Variants in PDE3B observed in about 807,000 individuals in gnomAD.
PDE3B encodes the protein phosphodiesterase 3B.
A neutral mutation model predicts 116.8 loss-of-function variants in PDE3B; 66 were observed. The ratio of observed to expected loss-of-function variants is 0.56; its 90% confidence interval spans 0.46 to 0.69. The LOEUF (loss-of-function observed/expected upper bound fraction) is 0.69, where lower values mean the gene tolerates loss of function less well. Among genes scored for constraint, PDE3B ranks in the 30% least tolerant of loss-of-function variants. The pLI, the probability that PDE3B is intolerant of heterozygous loss-of-function variation, is 0.00. For synonymous variants in PDE3B, 595 were observed against 533.6 expected (o/e 1.12, Z -1.59); for missense variants, 1,384 against 1,368.1 (o/e 1.01, Z -0.18).
chr11:14,748,546 T>G (rs1272761028), intron 1 of PDE3B, among the ~76,000 whole-genome samples: 1 of 152,204 alleles, frequency 6.6e-6, no homozygotes, highest in Non-Finnish European at 1.5e-5. Flanking sequence ...AACATAGACA[T>G]GAGCTAAAGA....
chr11:14,739,452 T>A (rs1046694935), intron 1 of PDE3B, among the ~76,000 whole-genome samples: 3 of 152,214 alleles, frequency 2.0e-5, no homozygotes, highest in African/African-American at 7.2e-5. Flanking sequence ...CACACTGACT[T>A]TGTATCCTGA....
intron 1 of PDE3B, among the ~76,000 whole-genome samples, chr11:14,704,446 G>A (rs896728372): frequency 1.3e-5 from 2 of 151,596 alleles, no homozygotes; most frequent in African/African-American, 2.4e-5. Context: ...AAAGTTGGCA[G>A]CCTAAATTCA....
chr11:14,644,729 C>T lies in PDE3B; in HGVS notation c.654C>T (p.His218=). Residue 218 remains histidine (H), a synonymous_variant, in exon 1 of 16, where the codon CAC becomes CAT. Transcript: ENST00000282096. ...LTLAHPLRLR[H]CVLVLLLASF... ...TCGCGCACCCGCTGCGGCTCCGGCACTGCGTTCTGGTGCTGCTCCTGGCCA... is the reference window on the plus strand; with the variant it reads ...TCGCGCACCCGCTGCGGCTCCGGCATTGCGTTCTGGTGCTGCTCCTGGCCA... The T allele has an allele frequency of 6.4e-7, 1 of 1,563,028 alleles. No individual in the cohort carries two copies. The highest frequency in any genetic ancestry group is 8.6e-7 in the Non-Finnish European group (1 of 1,156,256).
At chr11:14,863,972 A>G (rs1847996300) in intron 14 of PDE3B, among the ~76,000 whole-genome samples, 1 of 152,256 alleles carries the variant, frequency 6.6e-6, no homozygotes, top group Non-Finnish European at 1.5e-5. Flanking sequence ...CCTTAAATGT[A>G]AATGGGCTAA....
chr11:14,882,117 C>A, the PDE3B span, among the ~76,000 whole-genome samples: 1 of 152,062 alleles, frequency 6.6e-6, no homozygotes, highest in African/African-American at 2.4e-5. Context: ...GATGACTATT[C>A]ATTCAACAAA....
At chr11:14,841,236 G>T (rs1278965127) in intron 11 of PDE3B, among the ~76,000 whole-genome samples, 1 of 151,452 alleles carries the variant, frequency 6.6e-6, no homozygotes, top group Non-Finnish European at 1.5e-5. Flanking sequence ...GCTCTTCCTT[G>T]GGTCTTTAGC....
At chr11:14,840,104 T>G (rs957919058) in intron 11 of PDE3B, among the ~76,000 whole-genome samples, 3 of 152,188 alleles carry the variant, frequency 2.0e-5, no homozygotes, top group African/African-American at 7.2e-5. Context: ...TGTGAAGCAA[T>G]TTCTACTCGT....
chr11:14,865,983 G>C (rs1848036501), intron 14 of PDE3B, among the ~76,000 whole-genome samples: 1 of 152,078 alleles, frequency 6.6e-6, no homozygotes, highest in South Asian at 2.1e-4. Flanking sequence ...CATGCCTGAG[G>C]TTGAATCCTG....
chr11:14,808,459 G>A (rs1248555431), intron 5 of PDE3B, among the ~76,000 whole-genome samples: 1 of 152,160 alleles, frequency 6.6e-6, no homozygotes, highest in Admixed American at 6.5e-5. Flanking sequence ...TCCCTGAAGT[G>A]GATTGGATTT....
At chr11:14,808,090 C>G (rs903346541) in intron 5 of PDE3B, among the ~76,000 whole-genome samples, 7 of 151,018 alleles carry the variant, frequency 4.6e-5, no homozygotes, top group Non-Finnish European at 8.8e-5. Context: ...AATCTTCTGA[C>G]TGCTCATTGG....
At chr11:14,890,494 G>A in the PDE3B span, 2 of 801,574 alleles carry the variant, frequency 2.5e-6, no homozygotes, top group Non-Finnish European at 3.0e-6. Context: ...TGAAAGGAAC[G>A]TAAACCATTA....
At chr11:14,885,636 C>T in the PDE3B span, 1 of 901,746 alleles carries the variant, frequency 1.1e-6, no homozygotes, top group Non-Finnish European at 1.7e-6. Flanking sequence ...CTGAAAGGTC[C>T]TCAAATACTA....
At chr11:14,727,248 G>C (rs775735144) in intron 1 of PDE3B, among the ~76,000 whole-genome samples, 1 of 152,076 alleles carries the variant, frequency 6.6e-6, no homozygotes, top group African/African-American at 2.4e-5. Flanking sequence ...GATAGAAACT[G>C]TAATAATATA....
intron 1 of PDE3B, among the ~76,000 whole-genome samples, chr11:14,649,772 T>C (rs1853515403): frequency 6.6e-6 from 1 of 152,214 alleles, no homozygotes; most frequent in African/African-American, 2.4e-5. Flanking sequence ...TTATTTTATA[T>C]GTTGAAGACA....
Position 14,846,872 on chromosome 11 carries a change from C to T in PDE3B, c.2520+2846C>T, listed in dbSNP as rs555742097. On this transcript the variant is annotated intron_variant, in intron 12 of 15. Transcript: ENST00000282096. Reference sequence around the variant, plus strand: ...TGAGTAACCTACAAAGAGACTTAGACTCCCACACAATAATAATGGGGGACT... The same window carrying T: ...TGAGTAACCTACAAAGAGACTTAGATTCCCACACAATAATAATGGGGGACT... 2.0e-4 allele frequency among the ~76,000 whole-genome samples: 31 copies of T among 152,270 alleles called. 1 individual carries two copies. In the South Asian group the frequency reaches 5.4e-3, roughly 27 times the overall value.
At chr11:14,833,041 C>G (rs529621007) in intron 10 of PDE3B, among the ~76,000 whole-genome samples, 1 of 152,018 alleles carries the variant, frequency 6.6e-6, no homozygotes, top group South Asian at 2.1e-4. Context: ...ACCTCCGCCC[C>G]CCACGTTCAA....
intron 1 of PDE3B, among the ~76,000 whole-genome samples, chr11:14,686,265 G>T (rs1854870836): frequency 6.6e-6 from 1 of 152,078 alleles, no homozygotes; most frequent in Non-Finnish European, 1.5e-5. Flanking sequence ...CTTTATCTGA[G>T]TCTATATTTT....
rs558517760 is a variant in PDE3B, at chr11:14,759,283, T to A, written c.979-12654T>A. The stretch of plus-strand genomic sequence containing the variant: ...TGGTATCAGAATGATGCTGGCCTCA[T>A]AAAATGAGTTAGGGAGGATTCCCTC... On this transcript the variant is annotated intron_variant, in intron 1 of 15. Transcript: ENST00000282096. Among the ~76,000 whole-genome samples the A allele has an allele frequency of 1.9e-4, 29 of 152,278 alleles. No homozygotes were observed. In the South Asian group the frequency reaches 5.8e-3, roughly 30 times the overall value.
intron 4 of PDE3B, among the ~76,000 whole-genome samples, chr11:14,802,065 G>T (rs998691014): frequency 3.3e-5 from 5 of 152,190 alleles, no homozygotes; most frequent in Non-Finnish European, 7.3e-5. Context: ...TAGTTTGCTG[G>T]GCTCTGTGGC....
Sources: gnomAD v4.1 joint callset for allele counts (sites outside exome capture counted in the v4.1 genomes callset) on GRCh38, gnomAD v4.1.1 for gene constraint, MANE v1.5 for transcripts, NCBI Gene and HGNC (gene_info 2026-07-23, HGNC 2026-07-21) for gene names.